The following LOXHD1 variants were observed in gnomAD, a reference collection of about 807,000 sequenced individuals.
LOXHD1 encodes the protein lipoxygenase homology domain-containing protein 1.
In LOXHD1, 205 loss-of-function variants were observed where a neutral mutation model predicts 248.2. The observed-to-expected ratio is 0.83, with a 90% CI of 0.74 to 0.93. LOXHD1 has a LOEUF of 0.93. Ranked by LOEUF, LOXHD1 falls within the 40% of genes least tolerant of loss-of-function variation. The probability of loss-of-function intolerance (pLI) is 0.00; values close to 1 mark genes in which losing one functional copy is unlikely to be tolerated. For missense variants in LOXHD1, 2,930 were observed against 2,971.6 expected (o/e 0.99, Z 0.33); for synonymous variants, 1,113 against 1,162.8 (o/e 0.96, Z 0.87).
chr18:46,560,396 C>G lies in LOXHD1; in HGVS notation c.2748G>C (p.Lys916Asn). Reference sequence around the variant, plus strand: ...GCCGCAGCTTGTCCTTCTCCTTCTTCTTCCGGGCCTCCTCCTCCGGCGTGA... The same window carrying G: ...GCCGCAGCTTGTCCTTCTCCTTCTTGTTCCGGGCCTCCTCCTCCGGCGTGA... ...VDLTPEEEAR[K>N]KKEKDKLRQL... Residue 916 changes from lysine (K) to asparagine (N), a missense_variant, in exon 19 of 41, where the codon AAG (lysine) becomes AAC (asparagine). Coordinates refer to ENST00000642948, the MANE Select transcript of LOXHD1 (RefSeq NM_001384474.1). The G allele has an allele frequency of 6.4e-7, 1 of 1,551,406 alleles. No individual in the cohort carries two copies. The highest frequency in any genetic ancestry group is 8.7e-7 in the Non-Finnish European group (1 of 1,147,876).
rs900833768 is a variant in LOXHD1, at chr18:46,489,022, C to T, written c.5999G>A (p.Arg2000His). The change falls in exon 38 of 41, where the codon CGC becomes CAC. Residue 2000 changes from arginine (R) to histidine (H), a missense_variant. Arg to His is a conservative substitution (Grantham distance 29). Coordinates refer to ENST00000642948, the MANE Select transcript of LOXHD1 (RefSeq NM_001384474.1). ...SKSEGDGQTV[R>H]DFACANNKIC... ...CTTGTTGTTGGCACAGGCAAAGTCG[C>T]GGACCGTCTGCCCGTCACCCTCACT... 48 of 1,551,586 alleles carry T rather than the reference C, an allele frequency of 3.1e-5. No individual in the cohort carries two copies. The highest frequency in any genetic ancestry group is 1.7e-4 in the Middle Eastern group (1 of 6,014).
chr18:46,577,076 G>A (rs2037871970), intron 14 of LOXHD1, among the ~76,000 whole-genome samples: 1 of 152,122 alleles, frequency 6.6e-6, no homozygotes, highest in African/African-American at 2.4e-5. Flanking sequence ...TCAGTCCAAG[G>A]CCCCAAGTCA....
Position 46,592,048 on chromosome 18 carries a change from CAG to C in LOXHD1, c.1537_1538del (p.Leu513GlufsTer17), listed in dbSNP as rs1555683951. 1 of 1,552,262 alleles carries C rather than the reference CAG, an allele frequency of 6.4e-7. No individual in the cohort carries two copies. The highest frequency in any genetic ancestry group is 8.7e-7 in the Non-Finnish European group (1 of 1,147,088). On this transcript the variant is annotated frameshift_variant, in exon 12 of 41. Coordinates refer to ENST00000642948, the MANE Select transcript of LOXHD1 (RefSeq NM_001384474.1). LOFTEE classifies it high-confidence loss of function. ...AATTGAAGTTGTACTTGTCTTTGTT[CAG>C]AGTGTTCATCAGGGTCATCTGGAAT... ...HLERMTLMNT[L>X]NKDKYNFNCN...
At chr18:46,557,812 G>A in intron 20 of LOXHD1, 2 of 1,269,344 alleles carry the variant, frequency 1.6e-6, no homozygotes, top group Non-Finnish European at 2.1e-6. Context: ...TGGGTGTTTT[G>A]TGTGCAAGAG....
chr18:46,547,309 C>T (rs1265414527), intron 21 of LOXHD1, among the ~76,000 whole-genome samples: 2 of 152,146 alleles, frequency 1.3e-5, no homozygotes, highest in African/African-American at 4.8e-5. Flanking sequence ...CTGCCTGGAG[C>T]ACACAGAGCC....
chr18:46,657,189 G>C lies in LOXHD1; in HGVS notation c.-156C>G. On this transcript the variant is annotated 5_prime_UTR_variant, in exon 1 of 41. Coordinates refer to ENST00000642948, the MANE Select transcript of LOXHD1 (RefSeq NM_001384474.1). ...AGTGCCCCGTTTTCTTGGCTTCCCC[G>C]TGCCCAAGGTGCTGTTCCCTCTGCC... 8.4e-7 allele frequency: 1 copy of C among 1,191,242 alleles called. No homozygotes were observed. Among genetic ancestry groups the C allele is most frequent in the Non-Finnish European group, 1.2e-6 (1 of 859,550 alleles). The allele number at this position is 1,191,242 out of a possible 1,614,324, so 73.8% of individuals were successfully genotyped here. A position where few individuals can be genotyped will look rare whatever the true frequency, so the allele number is the denominator to read the frequency against.
chr18:46,555,744 G>A (rs891393116), intron 21 of LOXHD1, among the ~76,000 whole-genome samples: 1 of 152,026 alleles, frequency 6.6e-6, no homozygotes, highest in African/African-American at 2.4e-5. Flanking sequence ...ACACCCAAGG[G>A]GCAATGAGGC....
In LOXHD1 at chr18:46,602,423, C is replaced by G. The variant is rs368350387; in HGVS notation, c.884-956G>C. Among the ~76,000 whole-genome samples the G allele has an allele frequency of 5.9e-5, 9 of 152,072 alleles. No homozygotes were observed. The East Asian group carries it at 1.2e-3, about 20-fold the overall frequency. ...TTTTCACCATGTTGGCCAGACTGGTCTCGAACCCCTGGCCTCAAGTGATCC... is the reference window on the plus strand; with the variant it reads ...TTTTCACCATGTTGGCCAGACTGGTGTCGAACCCCTGGCCTCAAGTGATCC... On this transcript the variant is annotated intron_variant, in intron 7 of 40. Transcript: ENST00000642948.
rs753481263 is a variant in LOXHD1 at position 46,601,395 on chromosome 18, A to T, written c.956T>A (p.Val319Asp). ...CTTATTCCCTCTGGCCCCATACATG[A>T]CCAAGTAGATTTTGGATTTGGTACC... ...GAGTKSKIYLVMYGARGNKNS... is the reference protein window; with the variant it reads ...GAGTKSKIYLDMYGARGNKNS... The change falls in exon 8 of 41, where the codon GTC (valine) becomes GAC (aspartate). Residue 319 changes from valine to aspartate, a missense_variant. By Grantham distance (152) the Val-to-Asp change is radical (BLOSUM62 -3). Coordinates refer to ENST00000642948, the MANE Select transcript of LOXHD1 (RefSeq NM_001384474.1). The T allele has an allele frequency of 5.8e-6, 9 of 1,551,706 alleles. No individual in the cohort carries two copies. Among genetic ancestry groups the T allele is most frequent in the Non-Finnish European group, 7.8e-6 (9 of 1,146,986 alleles).
At chr18:46,548,620 C>T (rs1236409453) in intron 21 of LOXHD1, among the ~76,000 whole-genome samples, 1 of 152,122 alleles carries the variant, frequency 6.6e-6, no homozygotes, top group Non-Finnish European at 1.5e-5. Context: ...AATCAAATAA[C>T]TTATGAATAA....
intron 12 of LOXHD1, among the ~76,000 whole-genome samples, chr18:46,584,778 C>T (rs2038028307): frequency 6.6e-6 from 1 of 151,978 alleles, no homozygotes; most frequent in Non-Finnish European, 1.5e-5. Flanking sequence ...AAACTACAGA[C>T]CAATATCTCT....
In LOXHD1 at chr18:46,607,020, G is replaced by T. The variant is rs1211999; in HGVS notation, c.760-2791C>A. ...GCCTCTACTAAAACTACAAAAATTA[G>T]CCAGGCATGGTGGCGGGCACCTGTA... On this transcript the variant is annotated intron_variant, in intron 6 of 40. Coordinates refer to ENST00000642948, the MANE Select transcript of LOXHD1 (RefSeq NM_001384474.1). Among the ~76,000 whole-genome samples, 3 of 152,062 alleles carry T rather than the reference G, an allele frequency of 2.0e-5. No homozygotes were observed. The South Asian group carries it at 6.2e-4, about 32-fold the overall frequency.
intron 22 of LOXHD1, among the ~76,000 whole-genome samples, chr18:46,545,641 T>TTTTTTTTTTTTATTTTTTTTTTA (rs1568166544): frequency 7.6e-6 from 1 of 131,264 alleles, no homozygotes; most frequent in African/African-American, 3.2e-5. Flanking sequence ...TTTTTTTTTT[T>TTTTTTTTTTTTATTTTTTTTTTA]TTTTTTGAGA....
intron 21 of LOXHD1, among the ~76,000 whole-genome samples, chr18:46,549,269 G>A (rs1490257431): frequency 1.3e-5 from 2 of 152,224 alleles, no homozygotes; most frequent in East Asian, 3.8e-4. Context: ...AAGGGCTTCT[G>A]TAAGCAGGAG....
At position 46,594,194 on chromosome 18, in the gene LOXHD1, GC is replaced by G. The variant is rs970889600; in HGVS notation, c.1270+136del. On this transcript the variant is annotated intron_variant, in intron 9 of 40. Transcript: ENST00000642948. ...GGAGCTGCTTGGCGGGGTTGGGGGAGCTTTTTCCTTCCTTTCTGGAGGAGAC... is the reference window on the plus strand; with the variant it reads ...GGAGCTGCTTGGCGGGGTTGGGGGAGTTTTTCCTTCCTTTCTGGAGGAGAC... 8 of 1,157,006 alleles carry G rather than the reference GC, an allele frequency of 6.9e-6. No individual in the cohort carries two copies. In the African/African-American group the frequency reaches 1.2e-4, roughly 18 times the overall value. 71.7% of individuals were successfully genotyped at this position (1,157,006 alleles called of 1,614,324 possible). A position where few individuals can be genotyped will look rare whatever the true frequency, so the allele number is the denominator to read the frequency against.
intron 2 of LOXHD1, among the ~76,000 whole-genome samples, chr18:46,646,594 G>T (rs999801259): frequency 1.3e-5 from 2 of 152,086 alleles, no homozygotes; most frequent in African/African-American, 4.8e-5. Flanking sequence ...TGGCCTTCCA[G>T]ACCTTTCTGA....
chr18:46,506,416 C>T (rs1040343878), intron 36 of LOXHD1, among the ~76,000 whole-genome samples: 1 of 152,192 alleles, frequency 6.6e-6, no homozygotes, highest in Non-Finnish European at 1.5e-5. Context: ...GTTCTGTGTT[C>T]CCTAAATCTG....
chr18:46,595,626 A>G (rs143968124), intron 8 of LOXHD1, among the ~76,000 whole-genome samples: 389 of 152,296 alleles, frequency 2.6e-3, no homozygotes, highest in African/African-American at 9.0e-3. Flanking sequence ...CAGAATTTCT[A>G]TTTGTGGCTG....
intron 34 of LOXHD1, 60 bp downstream of exon 34, chr18:46,518,069 G>C: frequency 4.5e-6 from 7 of 1,546,176 alleles, no homozygotes; most frequent in Non-Finnish European, 5.2e-6. Flanking sequence ...AAGGCAGGGT[G>C]GGGCAGAGGG....
Sources: gnomAD v4.1 joint callset for allele counts (sites outside exome capture counted in the v4.1 genomes callset) on GRCh38, gnomAD v4.1.1 for gene constraint, MANE v1.5 for transcripts, NCBI Gene and HGNC (gene_info 2026-07-23, HGNC 2026-07-21) for gene names.